The following SRGAP3 variants were observed in gnomAD, a reference collection of about 807,000 sequenced individuals.
SRGAP3 encodes SLIT-ROBO Rho GTPase activating protein 3.
SRGAP3 carries 39 observed loss-of-function variants against 121.1 expected under a neutral mutation model. The observed-to-expected ratio is 0.32, with a 90% confidence interval of 0.25 to 0.42. The LOEUF (loss-of-function observed/expected upper bound fraction) is 0.42, where lower values mean the gene tolerates loss of function less well. Among genes scored for constraint, SRGAP3 ranks in the 10% least tolerant of loss-of-function variants. SRGAP3 has a pLI of 1.00. For missense variants in SRGAP3, 1,213 were observed against 1,470.6 expected (o/e 0.82, Z 2.86); for synonymous variants, 601 against 570.0 (o/e 1.05, Z -0.77).
Position 9,058,290 on chromosome 3 carries a change from A to G in SRGAP3, c.984T>C (p.Pro328=). The G allele has an allele frequency of 6.2e-7, 1 of 1,614,262 alleles. No individual in the cohort carries two copies. Among genetic ancestry groups the G allele is most frequent in the Non-Finnish European group, 8.5e-7 (1 of 1,180,044 alleles). The part of the protein sequence containing the change: ...VMDMCNQVFC[P]PLKFEFQPHM... ...GGGGCTGGAACTCGAACTTGAGTGG[A>G]GGGCAGAAGACTTGATTGCACATGT... Residue 328 remains proline (P), a synonymous_variant, in exon 7 of 22, where the codon CCT becomes CCC. Coordinates refer to ENST00000383836, the MANE Select transcript of SRGAP3 (RefSeq NM_014850.4).
At chr3:9,335,454 T>G (rs552631750) in intron 1 of SRGAP3, among the ~76,000 whole-genome samples, 4 of 152,346 alleles carry the variant, frequency 2.6e-5, no homozygotes, top group African/African-American at 9.6e-5. Context: ...GGCCATCAAT[T>G]AGTAACCTCC....
Position 9,173,063 on chromosome 3 carries a change from G to A in SRGAP3, c.68-48146C>T, listed in dbSNP as rs561855910. Among the ~76,000 whole-genome samples, 366 of 152,284 alleles carry A rather than the reference G, an allele frequency of 2.4e-3. 4 individuals carry two copies. Among genetic ancestry groups the A allele is most frequent in the African/African-American group, 8.3e-3 (347 of 41,568 alleles). Reference sequence around the variant, plus strand: ...CAAGCCCCTAAGCACTGTGCACCAGGGCCAGCCGAGTCAGCTGGCCTGGCG... The same window carrying A: ...CAAGCCCCTAAGCACTGTGCACCAGAGCCAGCCGAGTCAGCTGGCCTGGCG... On this transcript the variant is annotated intron_variant, in intron 1 of 21. Transcript: ENST00000383836.
At chr3:8,999,334 A>G (rs952995797) in intron 18 of SRGAP3, among the ~76,000 whole-genome samples, 1 of 152,254 alleles carries the variant, frequency 6.6e-6, no homozygotes, top group African/African-American at 2.4e-5. Context: ...CATGGGCTAG[A>G]CATGGGCTTT....
At chr3:9,123,393 ACAC>A (rs1412928552) in intron 2 of SRGAP3, among the ~76,000 whole-genome samples, 2,016 of 22,852 alleles carry the variant, frequency 0.088, 47 homozygotes, top group African/African-American at 0.24. Context: ...ATATATACAT[ACAC>A]AATACACATA....
At chr3:9,193,786 T>C (rs1038074689) in intron 1 of SRGAP3, 1 of 152,036 alleles carries the variant, frequency 6.6e-6, no homozygotes. Context: ...TGGCAAAGAG[T>C]GGCCAGGCCT....
At chr3:9,201,072 C>G (rs937719700) in intron 1 of SRGAP3, among the ~76,000 whole-genome samples, 39 of 152,206 alleles carry the variant, frequency 2.6e-4, no homozygotes, top group African/African-American at 9.2e-4. Context: ...ATCAGCCAAT[C>G]CTGGTCCAGA....
intron 19 of SRGAP3, among the ~76,000 whole-genome samples, chr3:8,993,399 C>T (rs369922676): frequency 9.9e-5 from 15 of 152,260 alleles, no homozygotes; most frequent in Admixed American, 6.5e-4. Context: ...GGCTGAGCAC[C>T]GAGGGCTGAG....
chr3:8,994,435 G>A lies in SRGAP3; in HGVS notation c.2316C>T (p.Leu772=). 3 of 1,614,244 alleles carry A rather than the reference G, an allele frequency of 1.9e-6. No individual in the cohort carries two copies. The highest frequency in any genetic ancestry group is 2.5e-6 in the Non-Finnish European group (3 of 1,180,054). Residue 772 remains leucine, a synonymous_variant, in exon 19 of 22, where the codon CTC becomes CTT. Transcript: ENST00000383836. ...ELSFKKGASL[L]LYHRASEDWW... ...AGTCCTCCGAGGCGCGGTGGTACAG[G>A]AGCAGCGAGGCCCCCTTCTTGAAGG...
In SRGAP3 at chr3:9,126,793, G is replaced by A. The variant is rs746501802; in HGVS notation, c.68-1876C>T. ...AGAAGGGTGAGGGGGTGGGAGGGAG[G>A]TGGATAATGAGAAATTACTTAATGG... On this transcript the variant is annotated intron_variant, in intron 1 of 21. Transcript: ENST00000383836. Among the ~76,000 whole-genome samples, 38 of 152,022 alleles carry A rather than the reference G, an allele frequency of 2.5e-4. 1 individual carries two copies. The highest frequency in any genetic ancestry group is 2.6e-4 in the Non-Finnish European group (18 of 68,018).
At chr3:9,092,279 A>G (rs1947790399) in intron 3 of SRGAP3, among the ~76,000 whole-genome samples, 1 of 151,988 alleles carries the variant, frequency 6.6e-6, no homozygotes. Flanking sequence ...GAGTTTCTGG[A>G]TCTCTACGGA....
At position 9,283,191 on chromosome 3, in the gene SRGAP3, C is replaced by T. The variant is rs576833199; in HGVS notation, n.442+42819G>A. ...CCTGACCTCAGGTGATCCACCCCCC[C>T]TCGGCCTCCCAAAGTGCTGGGATTA... On this transcript the variant is annotated intron_variant and non_coding_transcript_variant, in intron 3 of 3. Transcript: ENST00000490889. Among the ~76,000 whole-genome samples the T allele has an allele frequency of 7.2e-5, 11 of 152,256 alleles. No homozygotes were observed. In the South Asian group the frequency reaches 1.7e-3, roughly 23 times the overall value.
chr3:9,356,614 C>T (rs557728816), intron 1 of SRGAP3, among the ~76,000 whole-genome samples: 27 of 152,058 alleles, frequency 1.8e-4, no homozygotes, highest in African/African-American at 6.0e-4. Context: ...ACCTCGTGAT[C>T]CGCCCGCCTC....
chr3:9,339,314 G>A (rs967778063), intron 1 of SRGAP3, among the ~76,000 whole-genome samples: 19 of 152,230 alleles, frequency 1.2e-4, no homozygotes, highest in Admixed American at 6.5e-4. Context: ...CACTCTCACA[G>A]TGGCAAAAGA....
chr3:9,118,296 G>T (rs1948876420), intron 2 of SRGAP3, among the ~76,000 whole-genome samples: 1 of 152,056 alleles, frequency 6.6e-6, no homozygotes, highest in Non-Finnish European at 1.5e-5. Flanking sequence ...ACATCTCAAA[G>T]TATTGGTGTT....
At chr3:9,057,040 C>T (rs993088540) in intron 7 of SRGAP3, among the ~76,000 whole-genome samples, 1 of 152,162 alleles carries the variant, frequency 6.6e-6, no homozygotes, top group Non-Finnish European at 1.5e-5. Flanking sequence ...TGCCACCATG[C>T]CCAGCTATTT....
Position 8,984,400 on chromosome 3 carries a change from T to C in SRGAP3, c.*1119A>G. The C allele has an allele frequency of 4.3e-6, 1 of 231,192 alleles. No homozygotes were observed. The highest frequency in any genetic ancestry group is 5.6e-5 in the Admixed American group (1 of 17,720). The allele number at this position is 231,192 out of a possible 1,614,324, so 14.3% of individuals were successfully genotyped here. A position where few individuals can be genotyped will look rare whatever the true frequency, so the allele number is the denominator to read the frequency against. On this transcript the variant is annotated 3_prime_UTR_variant, in exon 22 of 22. Transcript: ENST00000383836. ...ACTCAAAGCCTCCTTGCCTGTTTAG[T>C]TCCAAATCTGACACAGTATAATTAG...
intron 1 of SRGAP3, among the ~76,000 whole-genome samples, chr3:9,133,457 C>A (rs1275681544): frequency 6.6e-6 from 1 of 152,120 alleles, no homozygotes; most frequent in Admixed American, 6.5e-5. Context: ...GCACTCCAGC[C>A]TGGGCAACAG....
At chr3:9,361,828 G>C (rs991662681) in intron 1 of SRGAP3, among the ~76,000 whole-genome samples, 1 of 152,162 alleles carries the variant, frequency 6.6e-6, no homozygotes, top group Non-Finnish European at 1.5e-5. Flanking sequence ...GTTCTGGCCA[G>C]TCGACAGAGG....
intron 1 of SRGAP3, chr3:9,193,097 T>G (rs549100523): frequency 2.0e-4 from 30 of 152,214 alleles, no homozygotes; most frequent in Middle Eastern, 6.8e-3. Context: ...CCAATTAGAC[T>G]GTGGGGTGAG....
Sources: gnomAD v4.1 joint callset for allele counts (sites outside exome capture counted in the v4.1 genomes callset) on GRCh38, gnomAD v4.1.1 for gene constraint, MANE v1.5 for transcripts, NCBI Gene and HGNC (gene_info 2026-07-23, HGNC 2026-07-21) for gene names.